IQCE: variants seen among roughly 807,000 people sequenced by gnomAD.
IQCE encodes IQ motif containing E.
Under a neutral mutation model 96.0 loss-of-function variants are expected in IQCE, and 115 were observed. That is an observed-to-expected ratio of 1.20 (90% CI 1.03 to 1.40). The LOEUF (loss-of-function observed/expected upper bound fraction) is 1.40. IQCE is among the 40% of genes most tolerant of loss of function. The pLI is 0.00. For missense variants in IQCE, 1,041 were observed against 909.1 expected, an observed-to-expected ratio of 1.15 and a Z score of -1.87; for synonymous variants, 412 against 371.2, an observed-to-expected ratio of 1.11 and a Z score of -1.26.
chr7:2,571,864 G>A (rs539277879), intron 4 of IQCE, among the ~76,000 whole-genome samples: 1 of 152,310 alleles, frequency 6.6e-6, no homozygotes, highest in East Asian at 1.9e-4. Flanking sequence ...TTGGTCCCGT[G>A]TGGTCTCTAC....
At position 2,596,785 on chromosome 7, in the gene IQCE, A is replaced by G. The variant is rs182668154; in HGVS notation, c.1441-1680A>G. 69 of 358,426 alleles carry G rather than the reference A, an allele frequency of 1.9e-4. 1 individual carries two copies. The East Asian group carries it at 4.9e-3, about 25-fold the overall frequency. 22.2% of individuals were successfully genotyped at this position (358,426 alleles called of 1,614,324 possible). The stretch of plus-strand genomic sequence containing the variant: ...ACAGATGATCTCACTTTAGCGGAAC[A>G]GAGGCCTGAAAATGTGTCAGGACTG... On this transcript the variant is annotated intron_variant, in intron 16 of 21. Transcript: ENST00000402050.
chr7:2,572,084 T>C, intron 4 of IQCE, 108 bp from the exon 5 acceptor site: 2 of 1,198,040 alleles, frequency 1.7e-6, no homozygotes. Flanking sequence ...ACGGCTGGCG[T>C]CTATCAGTGA....
At position 2,594,996 on chromosome 7, in the gene IQCE, G is replaced by A; in HGVS notation, c.1440+20G>A. 6.5e-7 allele frequency: 1 copy of A among 1,542,724 alleles called. No homozygotes were observed. Among genetic ancestry groups the A allele is most frequent in the Non-Finnish European group, 9.0e-7 (1 of 1,115,092 alleles). On this transcript the variant is annotated intron_variant, in intron 16 of 21. Transcript: ENST00000402050. ...CATAAGGTACAGTGACCATTCAGTT[G>A]AGTCTCCCGTCAGGTGCGGTGAGAC...
At chr7:2,560,325 C>T (rs770471876) in intron 1 of IQCE, among the ~76,000 whole-genome samples, 1 of 152,236 alleles carries the variant, frequency 6.6e-6, no homozygotes, top group Non-Finnish European at 1.5e-5. Flanking sequence ...TATGGGGAGT[C>T]CTGCTGGCCA....
intron 17 of IQCE, among the ~76,000 whole-genome samples, chr7:2,601,214 T>A (rs1784407007): frequency 6.6e-6 from 1 of 152,192 alleles, no homozygotes; most frequent in African/African-American, 2.4e-5. Flanking sequence ...TTGGGCCACC[T>A]CATGTGACTC....
At position 2,613,686 on chromosome 7, in the gene IQCE, C is replaced by G. The variant is rs1242552110; in HGVS notation, c.*3524C>G. 6.6e-6 allele frequency: 1 copy of G among 152,424 alleles called. No homozygotes were observed. The highest frequency in any genetic ancestry group is 1.5e-5 in the Non-Finnish European group (1 of 68,198). 9.4% of individuals were successfully genotyped at this position (152,424 alleles called of 1,614,324 possible). On this transcript the variant is annotated 3_prime_UTR_variant, in exon 22 of 22. Coordinates refer to ENST00000402050, the MANE Select transcript of IQCE (RefSeq NM_152558.5). ...AAGAGGCAGAAGTGAGGTGGGTGTGCCTGGGGCACGAAGCCAGCGCCGGGG... is the reference window on the plus strand; with the variant it reads ...AAGAGGCAGAAGTGAGGTGGGTGTGGCTGGGGCACGAAGCCAGCGCCGGGG...
intron 11 of IQCE, among the ~76,000 whole-genome samples, chr7:2,584,860 A>G (rs148458085): frequency 9.0e-4 from 137 of 152,274 alleles, no homozygotes; most frequent in African/African-American, 3.0e-3. Flanking sequence ...CTTTTTCTGT[A>G]AAGGACCAGA....
chr7:2,577,117 C>G (rs575101518), intron 6 of IQCE, among the ~76,000 whole-genome samples: 1 of 152,366 alleles, frequency 6.6e-6, no homozygotes, highest in African/African-American at 2.4e-5. Flanking sequence ...TTTCCCCCCA[C>G]CCACCACACA....
At chr7:2,607,812 A>G (rs528188492) in intron 21 of IQCE, among the ~76,000 whole-genome samples, 1 of 152,340 alleles carries the variant, frequency 6.6e-6, no homozygotes, top group Admixed American at 6.5e-5. Flanking sequence ...TTATCCTGCA[A>G]TTAGAAACCC....
Position 2,595,034 on chromosome 7 carries a change from G to A in IQCE, c.1440+58G>A, listed in dbSNP as rs116967245. 3,859 of 1,205,180 alleles carry A rather than the reference G, an allele frequency of 3.2e-3. 59 individuals are homozygous for A. The East Asian group carries it at 0.036, about 11-fold the overall frequency. The allele number at this position is 1,205,180 out of a possible 1,614,324, so 74.7% of individuals were successfully genotyped here. On this transcript the variant is annotated intron_variant, in intron 16 of 21. Transcript: ENST00000402050. The stretch of plus-strand genomic sequence containing the variant: ...GGTGCGGTGAGACTTTGGTCGTGAC[G>A]GTTCTGACCGTTTCCCTGTCCAGAG...
chr7:2,594,829 C>A, intron 15 of IQCE, 57 bp from the exon 16 acceptor site: 1 of 1,295,806 alleles, frequency 7.7e-7, no homozygotes, highest in South Asian at 1.2e-5. Context: ...TGCCCTGTGC[C>A]GGCCTTCATC....
intron 1 of IQCE, among the ~76,000 whole-genome samples, chr7:2,564,737 T>A (rs1041222457): frequency 6.6e-6 from 1 of 152,246 alleles, no homozygotes; most frequent in Non-Finnish European, 1.5e-5. Context: ...CTGGTTTATG[T>A]TTAATGTACA....
intron 8 of IQCE, chr7:2,582,092 G>A (rs1261580909): frequency 4.3e-6 from 2 of 469,472 alleles, no homozygotes; most frequent in Non-Finnish European, 8.8e-6. Flanking sequence ...GGAGGCCGCT[G>A]GAGCTGTTCT....
At chr7:2,583,205 A>G (rs927351754) in intron 9 of IQCE, among the ~76,000 whole-genome samples, 2 of 151,992 alleles carry the variant, frequency 1.3e-5, no homozygotes, top group Non-Finnish European at 2.9e-5. Flanking sequence ...TCTAAAGTCT[A>G]CTCTCTTTTG....
At chr7:2,587,632 C>T (rs1583459853) in intron 12 of IQCE, among the ~76,000 whole-genome samples, 190 bp from the exon 13 acceptor site, 2 of 152,112 alleles carry the variant, frequency 1.3e-5, no homozygotes, top group Admixed American at 1.3e-4. Flanking sequence ...TATCTCTTCA[C>T]GATCCAAGGG....
intron 3 of IQCE, among the ~76,000 whole-genome samples, chr7:2,569,726 ATG>A (rs1781625233): frequency 6.6e-6 from 1 of 152,132 alleles, no homozygotes; most frequent in Admixed American, 6.5e-5. Flanking sequence ...CCATCTGTAG[ATG>A]TGTGTCTATT....
chr7:2,589,404 T>C (rs1426333890), intron 13 of IQCE, among the ~76,000 whole-genome samples: 2 of 151,960 alleles, frequency 1.3e-5, no homozygotes, highest in Non-Finnish European at 2.9e-5. Context: ...GCATTTAAAA[T>C]ATAGAACTTG....
Position 2,575,701 on chromosome 7 carries a change from G to C in IQCE, c.465+2213G>C, listed in dbSNP as rs77629261. Among the ~76,000 whole-genome samples, 501 of 152,308 alleles carry C rather than the reference G, an allele frequency of 3.3e-3. 3 individuals are homozygous for C. The highest frequency in any genetic ancestry group is 5.4e-3 in the Non-Finnish European group (364 of 68,018). ...GCCTTGTCGGTCTGCTCCTCTCCCT[G>C]ACCTCTGGCTGGAGAGAAGAGGCTT... On this transcript the variant is annotated intron_variant, in intron 6 of 21. Transcript: ENST00000402050.
chr7:2,594,042 G>A (rs886776367), intron 15 of IQCE, among the ~76,000 whole-genome samples: 1 of 152,096 alleles, frequency 6.6e-6, no homozygotes, highest in East Asian at 1.9e-4. Flanking sequence ...CGGGCAGATC[G>A]TGAGGTCAGG....
Sources: gnomAD v4.1 joint callset for allele counts (sites outside exome capture counted in the v4.1 genomes callset) on GRCh38, gnomAD v4.1.1 for gene constraint, MANE v1.5 for transcripts, NCBI Gene and HGNC (gene_info 2026-07-23, HGNC 2026-07-21) for gene names.